The following CPED1 variants were observed in gnomAD, a reference collection of about 807,000 sequenced individuals.
CPED1 encodes cadherin like and PC-esterase domain containing 1, also known as cadherin-like and PC-esterase domain-containing protein 1.
CPED1 carries 114 observed loss-of-function variants against 128.2 expected under a neutral mutation model. The ratio of observed to expected loss-of-function variants is 0.89; its 90% confidence interval spans 0.76 to 1.04. The LOEUF (loss-of-function observed/expected upper bound fraction) is 1.04. Ranked by LOEUF, CPED1 falls within the 50% of genes least tolerant of loss-of-function variation. The pLI is 0.00. For missense variants in CPED1, 1,211 were observed against 1,207.1 expected, an observed-to-expected ratio of 1.00 and a Z score of -0.05; for synonymous variants, 462 against 426.7, an observed-to-expected ratio of 1.08 and a Z score of -1.02.
chr7:121,000,835 C>T lies in CPED1; in HGVS notation c.249+10965C>T, dbSNP rs142881079. Among the ~76,000 whole-genome samples, 23 of 152,252 alleles carry T rather than the reference C, an allele frequency of 1.5e-4. No homozygotes were observed. In the East Asian group the frequency reaches 1.5e-3, roughly 10 times the overall value. ...CAGCTTTATCCTAGCTATAGGACAA[C>T]TGGTAAATTTTATCTACATTTTTAA... On this transcript the variant is annotated intron_variant, in intron 2 of 22. Transcript: ENST00000310396.
Position 121,266,257 on chromosome 7 carries a change from GGGATCATGT to G in CPED1, c.2342_2350del (p.Gly781_Tyr784delinsAsp). 1 of 1,612,766 alleles carries G rather than the reference GGGATCATGT, an allele frequency of 6.2e-7. No individual in the cohort carries two copies. Among genetic ancestry groups the G allele is most frequent in the South Asian group, 1.1e-5 (1 of 91,052 alleles). ...GTTCATTGGAGATTCAACCAACAGA[GGGATCATGT>G]ACTATCTTATTGAAAGGCTGAATGA... On this transcript the variant is annotated inframe_deletion, in exon 19 of 23. Coordinates refer to ENST00000310396, the MANE Select transcript of CPED1 (RefSeq NM_024913.5).
intron 16 of CPED1, among the ~76,000 whole-genome samples, chr7:121,162,822 A>G (rs1456357276): frequency 4.6e-5 from 7 of 152,212 alleles, no homozygotes; most frequent in Admixed American, 4.6e-4. Flanking sequence ...AAAACCTCAC[A>G]TCACTTTCCT....
At chr7:121,205,760 G>C (rs965278178) in intron 16 of CPED1, among the ~76,000 whole-genome samples, 1 of 152,014 alleles carries the variant, frequency 6.6e-6, no homozygotes, top group African/African-American at 2.4e-5. Context: ...ACAAGACACT[G>C]TAAGAACCTG....
At chr7:121,269,573 C>G (rs1007537747) in intron 21 of CPED1, among the ~76,000 whole-genome samples, 6 of 152,104 alleles carry the variant, frequency 3.9e-5, no homozygotes, top group African/African-American at 1.4e-4. Flanking sequence ...AGCCTTCAAA[C>G]TGCTTTCCAC....
intron 16 of CPED1, among the ~76,000 whole-genome samples, chr7:121,148,055 G>A (rs558346515): frequency 3.3e-5 from 5 of 152,068 alleles, no homozygotes; most frequent in Non-Finnish European, 5.9e-5. Context: ...AATAGGGAGT[G>A]CATTTATCAG....
At chr7:121,196,024 T>A (rs1051409284) in intron 16 of CPED1, among the ~76,000 whole-genome samples, 3 of 152,122 alleles carry the variant, frequency 2.0e-5, no homozygotes, top group Non-Finnish European at 2.9e-5. Flanking sequence ...TGGTGTTTAG[T>A]GGGTCTGCTG....
intron 16 of CPED1, among the ~76,000 whole-genome samples, chr7:121,146,958 T>C (rs533694439): frequency 3.9e-5 from 6 of 152,192 alleles, no homozygotes; most frequent in African/African-American, 1.4e-4. Context: ...GTTATTCTCT[T>C]TATTGTTGGA....
Position 121,266,340 on chromosome 7 carries a change from C to A in CPED1, c.2424C>A (p.Asn808Lys). 3.1e-6 allele frequency: 5 copies of A among 1,613,120 alleles called. No homozygotes were observed. The highest frequency in any genetic ancestry group is 4.2e-6 in the Non-Finnish European group (5 of 1,179,358). The change falls in exon 19 of 23, where the codon AAC (asparagine) becomes AAA (lysine). Residue 808 changes from asparagine (N) to lysine (K), a missense_variant. Physicochemically the swap from Asn to Lys is moderately conservative, Grantham distance 94 (BLOSUM62 0). Transcript: ENST00000310396. Reference protein sequence around the residue: ...QKVHGTKFYHNVNGGKTLISY... With the variant: ...QKVHGTKFYHKVNGGKTLISY... ...TACATGGCACTAAATTCTATCACAACGTCAATGGTGGGAAGACTTTGATCA... is the reference window on the plus strand; with the variant it reads ...TACATGGCACTAAATTCTATCACAAAGTCAATGGTGGGAAGACTTTGATCA...
chr7:121,090,298 C>G (rs1323892305), intron 5 of CPED1, among the ~76,000 whole-genome samples: 1 of 152,182 alleles, frequency 6.6e-6, no homozygotes, highest in Non-Finnish European at 1.5e-5. Flanking sequence ...CAAATTGTGT[C>G]TCCACTTCAC....
At chr7:121,158,152 G>A (rs866511166) in intron 16 of CPED1, among the ~76,000 whole-genome samples, 1 of 152,122 alleles carries the variant, frequency 6.6e-6, no homozygotes, top group Non-Finnish European at 1.5e-5. Flanking sequence ...TAATTATTGG[G>A]TCATGGTATC....
At chr7:121,226,672 T>A (rs993369351) in intron 16 of CPED1, among the ~76,000 whole-genome samples, 2 of 152,086 alleles carry the variant, frequency 1.3e-5, no homozygotes, top group African/African-American at 2.4e-5. Context: ...TCAAATGCCC[T>A]CCATAAAGGA....
At chr7:121,245,349 CA>C (rs1193875864) in intron 18 of CPED1, among the ~76,000 whole-genome samples, 3 of 151,908 alleles carry the variant, frequency 2.0e-5, no homozygotes, top group Admixed American at 6.6e-5. Context: ...GGAAGAAAAT[CA>C]TTTAGGAACT....
At chr7:121,176,902 G>T (rs1253121950) in intron 16 of CPED1, among the ~76,000 whole-genome samples, 4 of 151,988 alleles carry the variant, frequency 2.6e-5, no homozygotes, top group Non-Finnish European at 5.9e-5. Context: ...AAGCATCTGT[G>T]ATAATAGTGA....
chr7:121,167,725 A>ATTT (rs10588976), intron 16 of CPED1, among the ~76,000 whole-genome samples: 27 of 99,226 alleles, frequency 2.7e-4, no homozygotes, highest in Admixed American at 1.2e-3. Context: ...TTTAAAGTCT[A>ATTT]TTTTTTTTTT....
At chr7:121,078,309 C>T (rs1794185936) in intron 5 of CPED1, among the ~76,000 whole-genome samples, 1 of 152,016 alleles carries the variant, frequency 6.6e-6, no homozygotes, top group Non-Finnish European at 1.5e-5. Context: ...TCCCAAAGTG[C>T]TGGGATTACA....
chr7:121,203,929 G>T (rs1347880398), intron 16 of CPED1, among the ~76,000 whole-genome samples: 2 of 152,066 alleles, frequency 1.3e-5, no homozygotes, highest in African/African-American at 4.8e-5. Flanking sequence ...CACGCAAAGG[G>T]CCAAGAAGCA....
At chr7:121,126,188 G>A (rs1795499550) in intron 9 of CPED1, among the ~76,000 whole-genome samples, 1 of 152,036 alleles carries the variant, frequency 6.6e-6, no homozygotes, top group Non-Finnish European at 1.5e-5. Context: ...AAAAGAGGAT[G>A]TGTAGATAAT....
intron 8 of CPED1, 112 bp from the exon 9 acceptor site, chr7:121,125,708 T>C (rs909291370): frequency 1.5e-5 from 11 of 712,728 alleles, no homozygotes; most frequent in East Asian, 8.0e-5. Context: ...ATCCAGTCTA[T>C]CATTAATGGG....
At chr7:121,036,482 G>GGC (rs1554425198) in intron 3 of CPED1, among the ~76,000 whole-genome samples, 11 of 129,928 alleles carry the variant, frequency 8.5e-5, no homozygotes, top group African/African-American at 3.3e-4. Context: ...AGTATTCCAT[G>GGC]GTGTGTGTAT....
Sources: gnomAD v4.1 joint callset for allele counts (sites outside exome capture counted in the v4.1 genomes callset) on GRCh38, gnomAD v4.1.1 for gene constraint, MANE v1.5 for transcripts, NCBI Gene and HGNC (gene_info 2026-07-23, HGNC 2026-07-21) for gene names.